Variants in OR2L13 observed in about 807,000 individuals in gnomAD.
The protein encoded by OR2L13 is olfactory receptor 2L13.
A neutral mutation model predicts 15.3 loss-of-function variants in OR2L13; 14 were observed. The ratio of observed to expected loss-of-function variants is 0.91; its 90% CI spans 0.60 to 1.43. OR2L13 has a LOEUF of 1.43. OR2L13 is among the 40% of genes most tolerant of loss of function. OR2L13 has a pLI of 0.00. For synonymous variants in OR2L13, 152 were observed against 142.9 expected, an observed-to-expected ratio of 1.06 and a Z score of -0.45; for missense variants, 367 against 387.9, an observed-to-expected ratio of 0.95 and a Z score of 0.45.
At chr1:248,081,556 A>G in the OR2L13 span, among the ~76,000 whole-genome samples, 1 of 152,146 alleles carries the variant, frequency 6.6e-6, no homozygotes, top group South Asian at 2.1e-4. Flanking sequence ...GAGTAATGAA[A>G]TTTCCGCGAC....
At chr1:247,965,077 G>T in the OR2L13 span, among the ~76,000 whole-genome samples, 7 of 150,654 alleles carry the variant, frequency 4.6e-5, no homozygotes, top group Non-Finnish European at 8.9e-5. Context: ...ATATGTATAT[G>T]TACATATACT....
At chr1:248,070,104 T>C in the OR2L13 span, among the ~76,000 whole-genome samples, 1 of 152,146 alleles carries the variant, frequency 6.6e-6, no homozygotes, top group Non-Finnish European at 1.5e-5. Flanking sequence ...GGAATCGAAC[T>C]CAGCTCTGGA....
the OR2L13 span, chr1:248,039,059 G>T: frequency 6.2e-7 from 1 of 1,613,980 alleles, no homozygotes; most frequent in Non-Finnish European, 8.5e-7. Context: ...CAAGATCCCT[G>T]CGATCTCCAA....
At chr1:248,022,940 T>C in the OR2L13 span, 4 of 1,480,192 alleles carry the variant, frequency 2.7e-6, no homozygotes, top group East Asian at 4.5e-5. Flanking sequence ...CTCAGCAGTG[T>C]ACAGCAGTGA....
chr1:247,949,291 C>G, the OR2L13 span: 1 of 1,614,176 alleles, frequency 6.2e-7, no homozygotes, highest in South Asian at 1.1e-5. Flanking sequence ...CTGATGATAA[C>G]AGGGTCTTGG....
chr1:247,938,819 A>T, the OR2L13 span, among the ~76,000 whole-genome samples: 3 of 152,210 alleles, frequency 2.0e-5, no homozygotes, highest in Non-Finnish European at 4.4e-5. Context: ...CTGCACATAG[A>T]AATAATTAGG....
the OR2L13 span, chr1:247,991,303 A>T: frequency 8.3e-6 from 6 of 719,156 alleles, 1 homozygote. Context: ...AGTATGTCAA[A>T]CGGAAATTAA....
chr1:247,967,267 C>T, the OR2L13 span, among the ~76,000 whole-genome samples: 17,672 of 151,980 alleles, frequency 0.12, 2,440 homozygotes, highest in African/African-American at 0.34. Flanking sequence ...CTTGTTCTCT[C>T]GCCCAGGCTG....
chr1:248,028,106 A>C, the OR2L13 span, among the ~76,000 whole-genome samples: 1 of 131,982 alleles, frequency 7.6e-6, no homozygotes, highest in African/African-American at 3.0e-5. Flanking sequence ...ACGCCACTGC[A>C]CTCTAGCCTG....
chr1:248,006,642 A>G, the OR2L13 span, among the ~76,000 whole-genome samples: 4 of 152,080 alleles, frequency 2.6e-5, no homozygotes, highest in East Asian at 7.8e-4. Flanking sequence ...CTTAAATCTT[A>G]ACCCTCAATG....
chr1:248,077,125 T>C, the OR2L13 span, among the ~76,000 whole-genome samples: 1 of 152,070 alleles, frequency 6.6e-6, no homozygotes, highest in African/African-American at 2.4e-5. Context: ...ATTGATTCTG[T>C]TCATGTGATA....
At chr1:248,078,222 C>A in the OR2L13 span, among the ~76,000 whole-genome samples, 2 of 152,172 alleles carry the variant, frequency 1.3e-5, no homozygotes, top group Non-Finnish European at 2.9e-5. Context: ...GTGCCTCACA[C>A]CTGTAATCCC....
At chr1:247,994,598 T>C in the OR2L13 span, among the ~76,000 whole-genome samples, 9 of 152,122 alleles carry the variant, frequency 5.9e-5, no homozygotes, top group African/African-American at 1.9e-4. Context: ...AAATGGTGGT[T>C]ACTAGCAGTG....
the OR2L13 span, chr1:248,003,934 A>G: frequency 6.2e-7 from 1 of 1,613,338 alleles, no homozygotes; most frequent in Admixed American, 1.7e-5. Context: ...AATCTCCAAC[A>G]GAGGACAAGG....
At chr1:248,080,079 C>T in the OR2L13 span, among the ~76,000 whole-genome samples, 2 of 151,698 alleles carry the variant, frequency 1.3e-5, no homozygotes, top group South Asian at 2.1e-4. Flanking sequence ...TTGGAAGAGA[C>T]AAAAGGAAGA....
chr1:248,057,432 G>T, the OR2L13 span, among the ~76,000 whole-genome samples: 1 of 152,072 alleles, frequency 6.6e-6, no homozygotes, highest in African/African-American at 2.4e-5. Context: ...TTTAAAATCT[G>T]TTTTGTCAGA....
the OR2L13 span, among the ~76,000 whole-genome samples, chr1:248,017,525 CTT>C: frequency 2.0e-5 from 3 of 152,184 alleles, no homozygotes; most frequent in African/African-American, 7.2e-5. Context: ...TAGAAAGAGA[CTT>C]TTTCTTCCAA....
At chr1:248,072,225 C>G in the OR2L13 span, among the ~76,000 whole-genome samples, 4 of 152,130 alleles carry the variant, frequency 2.6e-5, no homozygotes, top group East Asian at 1.9e-4. Context: ...TGACTTCAAA[C>G]TATACTACAA....
the OR2L13 span, among the ~76,000 whole-genome samples, chr1:248,006,696 A>T: frequency 6.6e-6 from 1 of 152,118 alleles, no homozygotes; most frequent in Non-Finnish European, 1.5e-5. Flanking sequence ...TGACTAGGTC[A>T]TGAGGGTAGC....
Sources: allele counts gnomAD v4.1 joint callset (sites outside exome capture counted in the v4.1 genomes callset), GRCh38; gene constraint gnomAD v4.1.1; transcripts MANE v1.5; gene names NCBI Gene and HGNC (gene_info 2026-07-23, HGNC 2026-07-21).